The following PRKCE variants were observed in gnomAD, a reference collection of about 807,000 sequenced individuals.
PRKCE encodes protein kinase C epsilon type.
A neutral mutation model predicts 85.4 loss-of-function variants in PRKCE; 16 were observed. That is an observed-to-expected ratio of 0.19 (90% CI 0.13 to 0.28). The LOEUF (loss-of-function observed/expected upper bound fraction) is 0.28. Ranked by LOEUF, PRKCE falls within the 10% of genes least tolerant of loss-of-function variation. The pLI is 1.00. For synonymous variants in PRKCE, 388 were observed against 371.5 expected, an observed-to-expected ratio of 1.04 and a Z score of -0.51; for missense variants, 573 against 975.2, an observed-to-expected ratio of 0.59 and a Z score of 5.49.
chr2:46,156,984 G>A (rs1677272317), intron 13 of PRKCE, among the ~76,000 whole-genome samples: 1 of 152,118 alleles, frequency 6.6e-6, no homozygotes, highest in Non-Finnish European at 1.5e-5. Flanking sequence ...GTTATACAAT[G>A]GTAGGAATGC....
chr2:46,063,637 T>C (rs1260833512), intron 10 of PRKCE, among the ~76,000 whole-genome samples: 5 of 152,086 alleles, frequency 3.3e-5, no homozygotes, highest in Non-Finnish European at 4.4e-5. Context: ...TATTTGAAAA[T>C]GGAAGTCAAG....
chr2:45,665,393 A>G (rs1372250703), intron 1 of PRKCE, among the ~76,000 whole-genome samples: 1 of 152,228 alleles, frequency 6.6e-6, no homozygotes, highest in Non-Finnish European at 1.5e-5. Flanking sequence ...AAAAGGGTTA[A>G]TAACAGTCAT....
chr2:46,135,395 C>T (rs1674867686), intron 11 of PRKCE, among the ~76,000 whole-genome samples: 1 of 152,194 alleles, frequency 6.6e-6, no homozygotes, highest in African/African-American at 2.4e-5. Flanking sequence ...GACTCTGTTG[C>T]TCACTCACCA....
chr2:46,067,710 C>A (rs6730511), intron 10 of PRKCE, among the ~76,000 whole-genome samples: 19,050 of 152,182 alleles, frequency 0.13, 2,320 homozygotes, highest in African/African-American at 0.32. Context: ...ATGAAATTAA[C>A]GCATAAAACT....
chr2:45,773,875 T>G (rs1685544201), intron 1 of PRKCE, among the ~76,000 whole-genome samples: 1 of 152,128 alleles, frequency 6.6e-6, no homozygotes, highest in Non-Finnish European at 1.5e-5. Flanking sequence ...TGCCAGGCCT[T>G]GGGTAAGGTG....
At chr2:46,037,741 C>A in intron 10 of PRKCE, among the ~76,000 whole-genome samples, 1 of 152,112 alleles carries the variant, frequency 6.6e-6, no homozygotes, top group East Asian at 1.9e-4. Context: ...CTGGTCTGGG[C>A]TACAGTCAGA....
intron 5 of PRKCE, 76 bp from the exon 6 acceptor site, chr2:45,984,475 T>C (rs937621662): frequency 5.1e-6 from 8 of 1,555,658 alleles, no homozygotes; most frequent in Non-Finnish European, 6.9e-6. Context: ...GAAAAAGTTC[T>C]TTGAGAGTTC....
intron 5 of PRKCE, among the ~76,000 whole-genome samples, chr2:45,981,302 G>A (rs1024264013): frequency 1.3e-5 from 2 of 152,218 alleles, no homozygotes; most frequent in African/African-American, 2.4e-5. Context: ...ATTCTGTGTA[G>A]TCATAGGCTA....
At chr2:45,787,314 A>G (rs1033538246) in intron 1 of PRKCE, among the ~76,000 whole-genome samples, 14 of 152,164 alleles carry the variant, frequency 9.2e-5, no homozygotes, top group Non-Finnish European at 2.1e-4. Context: ...CAAATAGCCT[A>G]GTAGGATAAA....
chr2:45,756,047 C>T (rs978279777), intron 1 of PRKCE, among the ~76,000 whole-genome samples: 3 of 152,128 alleles, frequency 2.0e-5, no homozygotes, highest in Non-Finnish European at 4.4e-5. Flanking sequence ...GGCTTCTGGG[C>T]GTTTACTAGA....
intron 2 of PRKCE, among the ~76,000 whole-genome samples, chr2:45,906,430 T>G (rs1000930368): frequency 6.6e-6 from 1 of 152,216 alleles, no homozygotes; most frequent in African/African-American, 2.4e-5. Flanking sequence ...AGTTGTACAT[T>G]TACTAAAGCA....
At chr2:46,070,929 G>A (rs1668036009) in intron 10 of PRKCE, among the ~76,000 whole-genome samples, 1 of 152,214 alleles carries the variant, frequency 6.6e-6, no homozygotes. Flanking sequence ...ATAAATGATA[G>A]CCATGATTAC....
intron 10 of PRKCE, 89 bp from the exon 11 acceptor site, chr2:46,086,119 G>T: frequency 7.2e-7 from 1 of 1,398,006 alleles, no homozygotes; most frequent in Non-Finnish European, 9.8e-7. Context: ...CTTGAGTCTT[G>T]GTAACCTTAC....
intron 10 of PRKCE, among the ~76,000 whole-genome samples, chr2:46,076,512 T>A (rs1401659027): frequency 6.6e-6 from 1 of 152,132 alleles, no homozygotes; most frequent in Non-Finnish European, 1.5e-5. Context: ...ATTGGGTGAG[T>A]CAGTTTGGCG....
At chr2:45,735,969 T>G (rs1682023707) in intron 1 of PRKCE, among the ~76,000 whole-genome samples, 1 of 152,188 alleles carries the variant, frequency 6.6e-6, no homozygotes, top group Non-Finnish European at 1.5e-5. Flanking sequence ...CACATTTTCT[T>G]TTTCTTTTTT....
chr2:46,182,729 TC>T (rs1680119769), intron 14 of PRKCE, among the ~76,000 whole-genome samples: 1 of 152,004 alleles, frequency 6.6e-6, no homozygotes, highest in Non-Finnish European at 1.5e-5. Context: ...TTGAAAACAG[TC>T]CCCCGCGCAG....
intron 2 of PRKCE, among the ~76,000 whole-genome samples, chr2:45,860,325 T>C (rs993853478): frequency 6.6e-6 from 1 of 152,196 alleles, no homozygotes; most frequent in Non-Finnish European, 1.5e-5. Context: ...CAAACTTACA[T>C]AGTGTACTGA....
intron 11 of PRKCE, among the ~76,000 whole-genome samples, chr2:46,132,223 T>C (rs1674533672): frequency 6.6e-6 from 1 of 152,166 alleles, no homozygotes; most frequent in Non-Finnish European, 1.5e-5. Context: ...CCATCAAGCG[T>C]TGTGCTTGCT....
intron 2 of PRKCE, among the ~76,000 whole-genome samples, chr2:45,865,297 G>A (rs1693501030): frequency 6.6e-6 from 1 of 151,992 alleles, no homozygotes; most frequent in Non-Finnish European, 1.5e-5. Context: ...TGTGGCAAAA[G>A]GAGGAGGAGG....
Sources: allele counts gnomAD v4.1 joint callset (sites outside exome capture counted in the v4.1 genomes callset), GRCh38; gene constraint gnomAD v4.1.1; transcripts MANE v1.5; gene names NCBI Gene and HGNC (gene_info 2026-07-23, HGNC 2026-07-21).